The following UBR4 variants were observed in gnomAD, a reference collection of about 807,000 sequenced individuals.
UBR4 encodes the protein ubiquitin protein ligase E3 component n-recognin 4.
In UBR4, 124 loss-of-function variants were observed where a neutral mutation model predicts 575.6. The ratio of observed to expected loss-of-function variants is 0.22; its 90% CI spans 0.19 to 0.25. The LOEUF is 0.25. Among genes scored for constraint, UBR4 ranks in the 10% least tolerant of loss-of-function variants. The pLI is 1.00. For missense variants in UBR4, 4,818 were observed against 6,478.8 expected (o/e 0.74, Z 8.80); for synonymous variants, 2,455 against 2,473.7 (o/e 0.99, Z 0.22).
rs188735164 is a variant in UBR4, at chr1:19,081,341, G to A, written c.15233+8C>T. ...AGTGAGCAGCAGCTTCCGGAAGCAG[G>A]TACTGACCTGGTGGCTCCACCTGGA... On this transcript the variant is annotated splice_region_variant and intron_variant, in intron 103 of 105. Coordinates refer to ENST00000375254, the MANE Select transcript of UBR4 (RefSeq NM_020765.3). The A allele has an allele frequency of 6.9e-5, 109 of 1,582,086 alleles. No individual in the cohort carries two copies. Among genetic ancestry groups the A allele is most frequent in the Admixed American group, 1.9e-4 (10 of 53,078 alleles).
intron 66 of UBR4, among the ~76,000 whole-genome samples, chr1:19,122,364 T>C (rs890672106): frequency 1.3e-5 from 2 of 152,252 alleles, no homozygotes; most frequent in African/African-American, 4.8e-5. Flanking sequence ...AGCAAGAACA[T>C]GAGCCAGCTA....
At chr1:19,164,010 C>G (rs1405989073) in intron 33 of UBR4, among the ~76,000 whole-genome samples, 183 bp from the exon 34 acceptor site, 4 of 152,126 alleles carry the variant, frequency 2.6e-5, no homozygotes, top group Admixed American at 2.6e-4. Context: ...TTAGAATTAT[C>G]ATTAACACTT....
chr1:19,193,543 T>C lies in UBR4; in HGVS notation c.1033A>G (p.Thr345Ala). Residue 345 changes from threonine to alanine, a missense_variant, in exon 9 of 106, where the codon ACG becomes GCG. Coordinates refer to ENST00000375254, the MANE Select transcript of UBR4 (RefSeq NM_020765.3). ...SCLYAGVSVATCMAILHVGSA... is the reference protein window; with the variant it reads ...SCLYAGVSVAACMAILHVGSA... ...CCCACATGGAGGATGGCCATGCACG[T>C]TGCCACACTCACACCTGAAAAAGAA... 6.2e-7 allele frequency: 1 copy of C among 1,613,902 alleles called. No homozygotes were observed. Among genetic ancestry groups the C allele is most frequent in the Non-Finnish European group, 8.5e-7 (1 of 1,179,886 alleles).
intron 39 of UBR4, 51 bp downstream of exon 39, chr1:19,160,060 A>G (rs769167239): frequency 8.8e-6 from 14 of 1,585,774 alleles, no homozygotes; most frequent in African/African-American, 1.4e-5. Context: ...GGATCTCAAT[A>G]AATTTGTTGG....
intron 11 of UBR4, among the ~76,000 whole-genome samples, chr1:19,191,209 C>T (rs769433062): frequency 7.2e-5 from 11 of 152,210 alleles, no homozygotes; most frequent in Admixed American, 2.0e-4. Flanking sequence ...GTGGCTCACA[C>T]CTGTAATCCC....
At position 19,112,822 on chromosome 1, in the gene UBR4, G is replaced by A. The variant is rs2080047222; in HGVS notation, c.11503C>T (p.Gln3835Ter). ...GATGATTTAGTGGCTGCTTCCCTCT[G>A]CTGTAGGTCATATTCCAACAACTCT... ...RKELLEYDLQ[Q>*]REAATKSSRT... The change falls in exon 78 of 106, where the codon CAG (glutamine) becomes TAG (stop). Residue 3835 changes from glutamine to a stop codon, truncating the protein, a stop_gained. Coordinates refer to ENST00000375254, the MANE Select transcript of UBR4 (RefSeq NM_020765.3). LOFTEE classifies it high-confidence loss of function. 6.2e-7 allele frequency: 1 copy of A among 1,613,228 alleles called. No individual in the cohort carries two copies. Among genetic ancestry groups the A allele is most frequent in the Non-Finnish European group, 8.5e-7 (1 of 1,179,494 alleles).
chr1:19,117,501 C>T lies in UBR4; in HGVS notation c.10630-87G>A. 4 of 1,371,548 alleles carry T rather than the reference C, an allele frequency of 2.9e-6. No individual in the cohort carries two copies. Among genetic ancestry groups the T allele is most frequent in the Non-Finnish European group, 4.0e-6 (4 of 994,184 alleles). 85.0% of individuals were successfully genotyped at this position (1,371,548 alleles called of 1,614,324 possible). On this transcript the variant is annotated intron_variant, in intron 72 of 105. Transcript: ENST00000375254. This position sits in a 1 kb window ranked among gnomAD's most constrained non-coding sequence, Gnocchi z 4.0. ...TTCATCAGTGTAACCCACTCTTCAT[C>T]CACAAGATGAAGTTTCTATTTAATT...
chr1:19,194,261 T>C (rs1395328127), intron 8 of UBR4, among the ~76,000 whole-genome samples: 1 of 152,210 alleles, frequency 6.6e-6, no homozygotes, highest in Non-Finnish European at 1.5e-5. Context: ...AAAGTATTAC[T>C]GATAAGAGAA....
At position 19,173,311 on chromosome 1, in the gene UBR4, T is replaced by C; in HGVS notation, c.3166-5A>G. 1 of 1,614,050 alleles carries C rather than the reference T, an allele frequency of 6.2e-7. No individual in the cohort carries two copies. Among genetic ancestry groups the C allele is most frequent in the Non-Finnish European group, 8.5e-7 (1 of 1,179,976 alleles). On this transcript the variant is annotated splice_polypyrimidine_tract_variant and splice_region_variant and intron_variant, in intron 23 of 105. Transcript: ENST00000375254. Reference sequence around the variant, plus strand: ...TCCCTGTTTGATAAGGTGATCCTATTTGGACAGCAAGAAAAAGTGTTTAGG... The same window carrying C: ...TCCCTGTTTGATAAGGTGATCCTATCTGGACAGCAAGAAAAAGTGTTTAGG...
intron 81 of UBR4, among the ~76,000 whole-genome samples, chr1:19,107,474 A>G (rs1303331801): frequency 1.3e-5 from 2 of 152,142 alleles, no homozygotes; most frequent in Non-Finnish European, 2.9e-5. Context: ...ATCTATTGCC[A>G]TTTCTCATGT....
chr1:19,115,031 C>T (rs2080330969), intron 74 of UBR4, 82 bp from the exon 75 acceptor site: 1 of 1,569,076 alleles, frequency 6.4e-7, no homozygotes, highest in Non-Finnish European at 8.7e-7. Flanking sequence ...GATTGTGCCA[C>T]ATTTATATAC....
Position 19,174,455 on chromosome 1 carries a change from C to T in UBR4, c.2854-8G>A, listed in dbSNP as rs1277296446. 1 of 1,606,430 alleles carries T rather than the reference C, an allele frequency of 6.2e-7. No homozygotes were observed. Among genetic ancestry groups the T allele is most frequent in the South Asian group, 1.1e-5 (1 of 90,910 alleles). On this transcript the variant is annotated splice_region_variant and splice_polypyrimidine_tract_variant and intron_variant, in intron 21 of 105. Transcript: ENST00000375254. ...GAAAAGGACGTCACATGCCTGACAT[C>T]AAGAAAGAAAGAGAGTCATTTCCTT...
At chr1:19,174,027 G>A (rs959134373) in intron 22 of UBR4, among the ~76,000 whole-genome samples, 2 of 152,152 alleles carry the variant, frequency 1.3e-5, no homozygotes, top group African/African-American at 4.8e-5. Context: ...TCTCAAGCGT[G>A]AGGCTTTCAA....
At chr1:19,176,274 A>G (rs751389337) in intron 20 of UBR4, among the ~76,000 whole-genome samples, 9 of 151,700 alleles carry the variant, frequency 5.9e-5, no homozygotes, top group Non-Finnish European at 1.3e-4. Context: ...GTATTTTTTC[A>G]GTAGAGATGG....
chr1:19,085,634 GT>G (rs761952804), intron 101 of UBR4, among the ~76,000 whole-genome samples: 19 of 152,164 alleles, frequency 1.2e-4, no homozygotes, highest in Non-Finnish European at 2.4e-4. Context: ...AGGACTTGGG[GT>G]GGGGCACCAC....
chr1:19,189,539 C>G (rs554276480), intron 11 of UBR4, among the ~76,000 whole-genome samples: 1 of 152,314 alleles, frequency 6.6e-6, no homozygotes, highest in African/African-American at 2.4e-5. Context: ...TTCATATACA[C>G]TGATCCCATT....
rs2088622131 is a variant in UBR4, at chr1:19,167,058, C to T, written c.4073G>A (p.Cys1358Tyr). The T allele has an allele frequency of 6.2e-7, 1 of 1,614,094 alleles. No homozygotes were observed. The highest frequency in any genetic ancestry group is 1.1e-5 in the South Asian group (1 of 91,092). The change falls in exon 29 of 106, where the codon TGT becomes TAT. Residue 1358 changes from cysteine (C) to tyrosine (Y), a missense_variant. Cys to Tyr is a radical substitution (Grantham distance 194). This residue lies in a region of UBR4 where 1,172 missense variants were observed against 1,259.7 expected (regional missense o/e 0.93). Transcript: ENST00000375254. ...ARVYEKLITG[C>Y]YNILANHADP... Reference sequence around the variant, plus strand: ...TGCATGATTGGCCAGAATGTTGTAACAACCAGTGATCAGCTTCTCATAAAC... The same window carrying T: ...TGCATGATTGGCCAGAATGTTGTAATAACCAGTGATCAGCTTCTCATAAAC...
At chr1:19,115,261 T>A in intron 74 of UBR4, 137 bp downstream of exon 74, 1 of 1,323,372 alleles carries the variant, frequency 7.6e-7, no homozygotes, top group South Asian at 1.5e-5. Flanking sequence ...TTTCTACCCT[T>A]GAACCCACTC....
chr1:19,175,028 C>T lies in UBR4; in HGVS notation c.2779G>A (p.Val927Ile). Reference protein sequence around the residue: ...NWSKHFSSDAVPHPRFYCVLS... With the variant: ...NWSKHFSSDAIPHPRFYCVLS... The stretch of plus-strand genomic sequence containing the variant: ...ACACAGTAGAATCTGGGGTGTGGGA[C>T]AGCATCTGAAAAGTAATATGCTGAT... The change falls in exon 21 of 106, where the codon GTC becomes ATC. Residue 927 changes from valine (V) to isoleucine (I), a missense_variant. Transcript: ENST00000375254. The T allele has an allele frequency of 6.2e-7, 1 of 1,613,586 alleles. No homozygotes were observed. The highest frequency in any genetic ancestry group is 8.5e-7 in the Non-Finnish European group (1 of 1,179,710).
Sources: gnomAD v4.1 joint callset for allele counts (sites outside exome capture counted in the v4.1 genomes callset) on GRCh38, gnomAD v4.1.1 for gene constraint, gnomAD v4.1.1 regional missense constraint, Gnocchi (gnomAD v3.1) non-coding constraint, MANE v1.5 for transcripts, NCBI Gene and HGNC (gene_info 2026-07-23, HGNC 2026-07-21) for gene names.